SECISBP2: variants seen among roughly 807,000 people sequenced by gnomAD.
SECISBP2 encodes SECIS binding protein 2, also known as selenocysteine insertion sequence-binding protein 2.
In SECISBP2, 96 loss-of-function variants were observed where a neutral mutation model predicts 98.2. The ratio of observed to expected loss-of-function variants is 0.98; its 90% CI spans 0.83 to 1.16. SECISBP2 has a LOEUF of 1.16. SECISBP2 is among the 50% of genes most tolerant of loss of function. The pLI is 0.00. For synonymous variants in SECISBP2, 407 were observed against 370.2 expected, an observed-to-expected ratio of 1.10 and a Z score of -1.14; for missense variants, 1,046 against 1,022.9, an observed-to-expected ratio of 1.02 and a Z score of -0.31.
intron 12 of SECISBP2, 69 bp from the exon 13 acceptor site, chr9:89,349,707 T>C: frequency 4.5e-6 from 7 of 1,565,036 alleles, no homozygotes; most frequent in East Asian, 2.2e-5. Context: ...TGAGACTGCA[T>C]TGGGCCAGCC....
At chr9:89,339,084 A>G (rs1256101040) in intron 8 of SECISBP2, among the ~76,000 whole-genome samples, 1 of 152,186 alleles carries the variant, frequency 6.6e-6, no homozygotes, top group East Asian at 1.9e-4. Context: ...TATGTCATGT[A>G]CTCTAAGGAG....
At chr9:89,349,033 G>C (rs1295786492) in intron 12 of SECISBP2, among the ~76,000 whole-genome samples, 1 of 152,238 alleles carries the variant, frequency 6.6e-6, no homozygotes, top group Non-Finnish European at 1.5e-5. Context: ...GAGCAGAATT[G>C]CTTTAGTAGC....
intron 10 of SECISBP2, among the ~76,000 whole-genome samples, chr9:89,343,659 A>G (rs1332174893): frequency 6.6e-6 from 1 of 152,216 alleles, no homozygotes; most frequent in Non-Finnish European, 1.5e-5. Context: ...CGTTCCTACA[A>G]AGGACGTGGT....
intron 1 of SECISBP2, chr9:89,319,108 T>G: frequency 1.1e-6 from 1 of 930,602 alleles, no homozygotes. Context: ...AAGAAAGAAA[T>G]CTTAGTGAAT....
At chr9:89,331,043 T>C (rs1331203315) in intron 5 of SECISBP2, among the ~76,000 whole-genome samples, 1 of 152,238 alleles carries the variant, frequency 6.6e-6, no homozygotes, top group Non-Finnish European at 1.5e-5. Flanking sequence ...AAGAAACTTT[T>C]TCCTGATGAT....
In SECISBP2 at chr9:89,349,945, C is replaced by T; in HGVS notation, c.1892+16C>T. Reference sequence around the variant, plus strand: ...GATTCAGGGAGTGAGTGAGCCCCTGCCTGCCAGGGACTAGGGGAAGATGGA... The same window carrying T: ...GATTCAGGGAGTGAGTGAGCCCCTGTCTGCCAGGGACTAGGGGAAGATGGA... On this transcript the variant is annotated intron_variant, in intron 13 of 16. Transcript: ENST00000375807. 1 of 1,613,678 alleles carries T rather than the reference C, an allele frequency of 6.2e-7. No homozygotes were observed.
rs950997330 is a variant in SECISBP2, at chr9:89,334,687, C to T, written c.1046C>T (p.Pro349Leu). 6.2e-7 allele frequency: 1 copy of T among 1,613,830 alleles called. No homozygotes were observed. The highest frequency in any genetic ancestry group is 8.5e-7 in the Non-Finnish European group (1 of 1,179,950). Residue 349 changes from proline to leucine, a missense_variant, in exon 7 of 17, where the codon CCT (proline) becomes CTT (leucine). Physicochemically the swap from Pro to Leu is moderately conservative, Grantham distance 98. Coordinates refer to ENST00000375807, the MANE Select transcript of SECISBP2 (RefSeq NM_024077.5). ...IPSSEALSSD[P>L]SYNKEKHIIH... ...TCTTCTGAAGCTTTATCTTCGGATC[C>T]TTCCTACAACAAAGAAAAACACATT...
intron 5 of SECISBP2, 67 bp downstream of exon 5, chr9:89,328,953 T>C: frequency 1.5e-6 from 2 of 1,296,128 alleles, no homozygotes; most frequent in Admixed American, 1.9e-5. Context: ...TTTCAAACAT[T>C]ACACATTAAA....
downstream of SECISBP2, chr9:89,361,277 G>GCTGATCC (rs1832740034): frequency 6.6e-6 from 1 of 152,248 alleles, no homozygotes; most frequent in African/African-American, 2.4e-5. Flanking sequence ...GGCGATGTAT[G>GCTGATCC]CTGATCCCAC....
intron 5 of SECISBP2, chr9:89,329,270 G>A (rs1050524106): frequency 1.8e-5 from 4 of 221,582 alleles, no homozygotes; most frequent in Non-Finnish European, 2.7e-5. Context: ...ACACTGCCAC[G>A]CTGGCTAATT....
At chr9:89,362,115 C>CTGTT, downstream of SECISBP2, 1 of 571,678 alleles carries the variant, frequency 1.7e-6, no homozygotes, top group Non-Finnish European at 3.1e-6. Flanking sequence ...CTATCAAAGC[C>CTGTT]TGTTAGCCAT....
chr9:89,336,846 A>G (rs1442631949), intron 7 of SECISBP2, among the ~76,000 whole-genome samples: 5 of 133,692 alleles, frequency 3.7e-5, no homozygotes, highest in Non-Finnish European at 7.6e-5. Context: ...ATCTCGGCTC[A>G]CTGCAACCTC....
intron 11 of SECISBP2, 32 bp from the exon 12 acceptor site, chr9:89,348,047 T>G (rs1314510693): frequency 6.3e-7 from 1 of 1,578,054 alleles, no homozygotes; most frequent in Non-Finnish European, 8.7e-7. Flanking sequence ...TACAAGTATT[T>G]AGGCATTTTA....
At chr9:89,341,276 C>G (rs932934593) in intron 9 of SECISBP2, 71 bp from the exon 10 acceptor site, 1 of 1,394,894 alleles carries the variant, frequency 7.2e-7, no homozygotes, top group African/African-American at 1.4e-5. Flanking sequence ...ATCTTTACAT[C>G]AGTTTTTTGT....
chr9:89,348,050 G>T (rs1458495054), intron 11 of SECISBP2, 29 bp from the exon 12 acceptor site: 5 of 1,582,442 alleles, frequency 3.2e-6, no homozygotes, highest in Non-Finnish European at 4.3e-6. Context: ...AAGTATTTAG[G>T]CATTTTAATT....
chr9:89,357,458 C>A lies in SECISBP2; in HGVS notation c.2161C>A (p.Gln721Lys). 1.2e-6 allele frequency: 2 copies of A among 1,614,180 alleles called. No individual in the cohort carries two copies. The highest frequency in any genetic ancestry group is 1.7e-6 in the Non-Finnish European group (2 of 1,180,036). ...LHTIIDYACE[Q>K]NIPFVFALNR... ...CACAATTATTGATTATGCCTGTGAG[C>A]AGAACATTCCCTTTGTGTTTGCTCT... Residue 721 changes from glutamine (Q) to lysine (K), a missense_variant, in exon 15 of 17, where the codon CAG becomes AAG. Physicochemically the swap from Gln to Lys is moderately conservative, Grantham distance 53. Transcript: ENST00000375807.
rs763883455 is a variant in SECISBP2 at position 89,350,670 on chromosome 9, G to A, written c.1931G>A (p.Cys644Tyr). The change falls in exon 14 of 17, where the codon TGT becomes TAT. Residue 644 changes from cysteine (C) to tyrosine (Y), a missense_variant. Coordinates refer to ENST00000375807, the MANE Select transcript of SECISBP2 (RefSeq NM_024077.5). ...ATGCTTAGTAAAGAAGTGGATGCTTGTGTTACCGACCTACTCAAAGAACTG... is the reference window on the plus strand; with the variant it reads ...ATGCTTAGTAAAGAAGTGGATGCTTATGTTACCGACCTACTCAAAGAACTG... Reference protein sequence around the residue: ...SQMLSKEVDACVTDLLKELVR... With the variant: ...SQMLSKEVDAYVTDLLKELVR... The A allele has an allele frequency of 1.9e-6, 3 of 1,614,050 alleles. No individual in the cohort carries two copies. The highest frequency in any genetic ancestry group is 1.6e-4 in the Middle Eastern group (1 of 6,084).
At chr9:89,354,246 C>CA (rs759294242) in intron 14 of SECISBP2, among the ~76,000 whole-genome samples, 7 of 152,226 alleles carry the variant, frequency 4.6e-5, no homozygotes, top group Admixed American at 2.6e-4. Context: ...AGGCCACCAC[C>CA]AGGCTCAGTG....
downstream of SECISBP2, chr9:89,362,570 A>G (rs1296015377): frequency 1.4e-6 from 2 of 1,450,852 alleles, no homozygotes. Context: ...CTTGGAGTCT[A>G]AAGATCCAAA....
Sources: gnomAD v4.1 joint callset for allele counts (sites outside exome capture counted in the v4.1 genomes callset) on GRCh38, gnomAD v4.1.1 for gene constraint, MANE v1.5 for transcripts, NCBI Gene and HGNC (gene_info 2026-07-23, HGNC 2026-07-21) for gene names.